LRRC4C: variants seen among roughly 807,000 people sequenced by gnomAD.
LRRC4C encodes the protein leucine rich repeat containing 4C.
Under a neutral mutation model 33.6 loss-of-function variants are expected in LRRC4C, and 5 were observed. The observed-to-expected ratio is 0.15, with a 90% CI of 0.08 to 0.31. LRRC4C has a LOEUF of 0.31. Ranked by LOEUF, LRRC4C falls within the 10% of genes least tolerant of loss-of-function variation. The probability of loss-of-function intolerance (pLI) is 1.00; values close to 1 mark genes in which losing one functional copy is unlikely to be tolerated. For synonymous variants in LRRC4C, 329 were observed against 302.0 expected, an observed-to-expected ratio of 1.09 and a Z score of -0.93; for missense variants, 560 against 796.7, an observed-to-expected ratio of 0.70 and a Z score of 3.58.
intron 2 of LRRC4C, among the ~76,000 whole-genome samples, chr11:40,665,614 T>C (rs1943763323): frequency 6.6e-6 from 1 of 151,510 alleles, no homozygotes; most frequent in South Asian, 2.1e-4. Context: ...AACTACAGAA[T>C]GTAGAGAACT....
At chr11:40,196,926 C>T (rs911002698) in intron 5 of LRRC4C, among the ~76,000 whole-genome samples, 3 of 152,150 alleles carry the variant, frequency 2.0e-5, no homozygotes, top group African/African-American at 7.2e-5. Flanking sequence ...GGCTTTCTGG[C>T]TATGGAGACC....
At chr11:40,475,506 G>A (rs911170537) in intron 3 of LRRC4C, among the ~76,000 whole-genome samples, 1 of 152,074 alleles carries the variant, frequency 6.6e-6, no homozygotes, top group African/African-American at 2.4e-5. Context: ...TGTAGATGCT[G>A]GGTTGATGAG....
chr11:40,426,560 G>A (rs1200497838), intron 3 of LRRC4C, among the ~76,000 whole-genome samples: 3 of 152,056 alleles, frequency 2.0e-5, no homozygotes, highest in Non-Finnish European at 4.4e-5. Context: ...TGCAGCTACC[G>A]ATCTTCTGGT....
intron 1 of LRRC4C, among the ~76,000 whole-genome samples, chr11:41,220,931 C>T (rs773101603): frequency 2.0e-5 from 3 of 152,078 alleles, no homozygotes; most frequent in Non-Finnish European, 4.4e-5. Flanking sequence ...AAAGATGTTA[C>T]TACTATTAAA....
At chr11:40,864,537 T>C (rs1319101841) in intron 2 of LRRC4C, among the ~76,000 whole-genome samples, 1 of 152,196 alleles carries the variant, frequency 6.6e-6, no homozygotes, top group Non-Finnish European at 1.5e-5. Flanking sequence ...TATCTGGTCT[T>C]ACAGAGAAAC....
intron 3 of LRRC4C, among the ~76,000 whole-genome samples, chr11:40,398,432 T>C (rs1267292305): frequency 1.3e-5 from 2 of 152,094 alleles, no homozygotes; most frequent in Admixed American, 6.6e-5. Context: ...TCCAAATGCC[T>C]GTTGTGGTTA....
chr11:40,848,665 T>A (rs1953322712), intron 2 of LRRC4C, among the ~76,000 whole-genome samples: 1 of 152,204 alleles, frequency 6.6e-6, no homozygotes, highest in Non-Finnish European at 1.5e-5. Context: ...TAGGTCTGGT[T>A]GGTGCAGAGC....
At chr11:40,404,726 A>T (rs1455961460) in intron 3 of LRRC4C, among the ~76,000 whole-genome samples, 1 of 152,152 alleles carries the variant, frequency 6.6e-6, no homozygotes, top group East Asian at 1.9e-4. Flanking sequence ...TAATATTCCC[A>T]TGTTAAAAAT....
At chr11:41,285,149 C>T (rs1393470767) in intron 1 of LRRC4C, among the ~76,000 whole-genome samples, 1 of 152,166 alleles carries the variant, frequency 6.6e-6, no homozygotes, top group South Asian at 2.1e-4. Context: ...TTAAACAGCA[C>T]ACAATGAACC....
intron 1 of LRRC4C, among the ~76,000 whole-genome samples, chr11:41,305,232 G>C (rs1950459337): frequency 1.7e-5 from 1 of 57,246 alleles, no homozygotes; most frequent in African/African-American, 4.6e-5. Flanking sequence ...GGAGGTGGGG[G>C]GGTCAGCCCC....
intron 3 of LRRC4C, among the ~76,000 whole-genome samples, chr11:40,634,433 T>G (rs1158684353): frequency 6.6e-6 from 1 of 152,168 alleles, no homozygotes. Context: ...TAAATATTGT[T>G]TCCTCAAATG....
At chr11:40,624,209 T>C (rs1448744020) in intron 3 of LRRC4C, among the ~76,000 whole-genome samples, 1 of 152,144 alleles carries the variant, frequency 6.6e-6, no homozygotes, top group African/African-American at 2.4e-5. Context: ...CAATATCCTA[T>C]CCTGCAATCA....
At chr11:41,204,445 C>T (rs1397642047) in intron 1 of LRRC4C, among the ~76,000 whole-genome samples, 2 of 152,130 alleles carry the variant, frequency 1.3e-5, no homozygotes, top group East Asian at 3.9e-4. Context: ...CCAGCCAGCC[C>T]AGCACTTACC....
chr11:41,096,677 G>A (rs1050547525), intron 1 of LRRC4C, among the ~76,000 whole-genome samples: 2 of 152,144 alleles, frequency 1.3e-5, no homozygotes, highest in African/African-American at 2.4e-5. Context: ...AGGAGGAAGT[G>A]TCCTGTTTGC....
chr11:41,445,721 TAAAG>T (rs894276522), intron 1 of LRRC4C, among the ~76,000 whole-genome samples: 1 of 152,162 alleles, frequency 6.6e-6, no homozygotes, highest in African/African-American at 2.4e-5. Context: ...ACACCTTTCT[TAAAG>T]AGTTACTGGA....
chr11:41,197,179 G>A (rs1230867581), intron 1 of LRRC4C, among the ~76,000 whole-genome samples: 1 of 151,954 alleles, frequency 6.6e-6, no homozygotes, highest in Non-Finnish European at 1.5e-5. Context: ...TTCCTGTTTG[G>A]CAGTGGATTC....
intron 4 of LRRC4C, among the ~76,000 whole-genome samples, chr11:40,286,794 G>A (rs576363174): frequency 7.9e-5 from 12 of 152,026 alleles, no homozygotes; most frequent in Non-Finnish European, 1.8e-4. Flanking sequence ...ACAAATTTAG[G>A]GGCCCCAGCT....
At position 41,227,337 on chromosome 11, in the gene LRRC4C, G is replaced by C. The variant is rs16935448; in HGVS notation, c.-496+232094C>G. On this transcript the variant is annotated intron_variant, in intron 1 of 6. Coordinates refer to ENST00000528697, the MANE Select transcript of LRRC4C (RefSeq NM_001258419.2). ...AAATGGAATCTTTACCTAAGTTATA[G>C]AGTAAGTACAATATATGAGGTAAGA... is the stretch of plus-strand genomic sequence containing the variant. Among the ~76,000 whole-genome samples the C allele has an allele frequency of 7.2e-3, 1,100 of 152,096 alleles. 13 individuals carry two copies. The highest frequency in any genetic ancestry group is 0.024 in the African/African-American group (1,012 of 41,492).
At chr11:41,011,092 A>G (rs1855144768) in intron 1 of LRRC4C, among the ~76,000 whole-genome samples, 1 of 152,170 alleles carries the variant, frequency 6.6e-6, no homozygotes. Context: ...ACTACAATTT[A>G]CATCGCTCCT....
Sources: gnomAD v4.1 joint callset for allele counts (sites outside exome capture counted in the v4.1 genomes callset) on GRCh38, gnomAD v4.1.1 for gene constraint, MANE v1.5 for transcripts, NCBI Gene and HGNC (gene_info 2026-07-23, HGNC 2026-07-21) for gene names.